The following XPO4 variants were observed in gnomAD, a reference collection of about 807,000 sequenced individuals.
The protein encoded by XPO4 is exportin-4.
In XPO4, 39 loss-of-function variants were observed where a neutral mutation model predicts 143.0. That is an observed-to-expected ratio of 0.27 (90% CI 0.21 to 0.36). The LOEUF (loss-of-function observed/expected upper bound fraction) is 0.36, where lower values mean the gene tolerates loss of function less well. XPO4 is among the 10% of genes least tolerant of loss of function. The pLI is 1.00. For missense variants in XPO4, 907 were observed against 1,348.0 expected (o/e 0.67, Z 5.12); for synonymous variants, 439 against 474.0 (o/e 0.93, Z 0.96).
rs1030708110 is a variant in XPO4, at chr13:20,783,364, A to G, written c.*358T>C. 3.1e-5 allele frequency: 8 copies of G among 256,812 alleles called. No individual in the cohort carries two copies. The allele number at this position is 256,812 out of a possible 1,614,324, so 15.9% of individuals were successfully genotyped here. Reference sequence around the variant, plus strand: ...GCATATATCCATTTCATATTTAATGACAAAAATTCTAAACTTTGGCTAGCC... The same window carrying G: ...GCATATATCCATTTCATATTTAATGGCAAAAATTCTAAACTTTGGCTAGCC... On this transcript the variant is annotated 3_prime_UTR_variant, in exon 23 of 23. Transcript: ENST00000255305.
At chr13:20,817,516 A>T (rs1566580881) in intron 9 of XPO4, among the ~76,000 whole-genome samples, 3 of 152,174 alleles carry the variant, frequency 2.0e-5, no homozygotes, top group Non-Finnish European at 4.4e-5. Flanking sequence ...ATAAATTGTT[A>T]TTTACCACGA....
chr13:20,823,971 C>A (rs1413835838), intron 7 of XPO4, among the ~76,000 whole-genome samples: 3 of 152,082 alleles, frequency 2.0e-5, no homozygotes, highest in Non-Finnish European at 4.4e-5. Flanking sequence ...ATTTTAATGA[C>A]CATCAATAAG....
At chr13:20,843,997 A>G in intron 4 of XPO4, 111 bp from the exon 5 acceptor site, 1 of 779,886 alleles carries the variant, frequency 1.3e-6, no homozygotes, top group Non-Finnish European at 2.2e-6. Context: ...TAGATCTTCC[A>G]CTGTATCTTT....
intron 13 of XPO4, among the ~76,000 whole-genome samples, chr13:20,804,961 T>C (rs1013289748): frequency 2.6e-5 from 4 of 151,892 alleles, no homozygotes; most frequent in African/African-American, 4.8e-5. Context: ...GTTTTTTTTT[T>C]TGAGACAGGG....
intron 18 of XPO4, among the ~76,000 whole-genome samples, chr13:20,794,225 A>C (rs1439227453): frequency 1.3e-5 from 2 of 152,244 alleles, no homozygotes; most frequent in Non-Finnish European, 2.9e-5. Flanking sequence ...TCTGAAAATA[A>C]GACAAATCTG....
chr13:20,791,351 T>A (rs2059277862), intron 18 of XPO4, among the ~76,000 whole-genome samples: 1 of 152,138 alleles, frequency 6.6e-6, no homozygotes, highest in South Asian at 2.1e-4. Context: ...AGCAATATAT[T>A]AAGACCATTT....
chr13:20,843,846 T>G lies in XPO4; in HGVS notation c.497A>C (p.Glu166Ala). 6.2e-7 allele frequency: 1 copy of G among 1,613,438 alleles called. No individual in the cohort carries two copies. Among genetic ancestry groups the G allele is most frequent in the Non-Finnish European group, 8.5e-7 (1 of 1,179,808 alleles). The change falls in exon 5 of 23, where the codon GAA (glutamate) becomes GCA (alanine). Residue 166 changes from glutamate (E) to alanine (A), a missense_variant. Physicochemically the swap from Glu to Ala is moderately radical, Grantham distance 107 (BLOSUM62 -1). Coordinates refer to ENST00000255305, the MANE Select transcript of XPO4 (RefSeq NM_022459.5). ...GCTAGTTTTACTTGAACTTGAAAAT[T>G]CACTCAATAGCGCAGTCAGAATAGA... ...ACSILTALLS[E>A]FSSSSKTSNI...
intron 18 of XPO4, among the ~76,000 whole-genome samples, chr13:20,794,410 A>C (rs532679804): frequency 1.3e-5 from 2 of 152,352 alleles, no homozygotes; most frequent in Admixed American, 1.3e-4. Flanking sequence ...CAGAGTAATC[A>C]TGACAGTAAA....
At chr13:20,841,039 C>T (rs1268048820) in intron 6 of XPO4, among the ~76,000 whole-genome samples, 1 of 152,136 alleles carries the variant, frequency 6.6e-6, no homozygotes, top group Non-Finnish European at 1.5e-5. Context: ...TTTCCAAACT[C>T]CCAGAGAACT....
chr13:20,815,544 C>T (rs948339936), intron 9 of XPO4, among the ~76,000 whole-genome samples: 15 of 152,114 alleles, frequency 9.9e-5, no homozygotes, highest in Admixed American at 9.2e-4. Flanking sequence ...AGCTAAATCT[C>T]ATGCTAAGGT....
At position 20,822,165 on chromosome 13, in the gene XPO4, T is replaced by G. The variant is rs1462316992; in HGVS notation, c.965A>C (p.His322Pro). The change falls in exon 8 of 23, where the codon CAC becomes CCC. Residue 322 changes from histidine (H) to proline (P), a missense_variant. Physicochemically the swap from His to Pro is moderately conservative, Grantham distance 77. Coordinates refer to ENST00000255305, the MANE Select transcript of XPO4 (RefSeq NM_022459.5). ...DEGSQVDYLA[H>P]FIEGLLNTIN... Reference sequence around the variant, plus strand: ...AGTATTCAGTAATCCCTCAATGAAGTGTGCTAGATAATCAACTTGTGATCC... The same window carrying G: ...AGTATTCAGTAATCCCTCAATGAAGGGTGCTAGATAATCAACTTGTGATCC... 1 of 1,613,176 alleles carries G rather than the reference T, an allele frequency of 6.2e-7. No individual in the cohort carries two copies. Among genetic ancestry groups the G allele is most frequent in the Admixed American group, 1.7e-5 (1 of 59,936 alleles).
At chr13:20,822,051 T>C in intron 8 of XPO4, 81 bp downstream of exon 8, 1 of 1,476,528 alleles carries the variant, frequency 6.8e-7, no homozygotes, top group Non-Finnish European at 9.0e-7. Flanking sequence ...GGGGAAAAAA[T>C]AACTAGTTTC....
intron 1 of XPO4, among the ~76,000 whole-genome samples, chr13:20,896,178 G>A (rs1472652518): frequency 1.3e-5 from 2 of 152,080 alleles, no homozygotes; most frequent in African/African-American, 4.8e-5. Context: ...TTTAGCTTCT[G>A]AATACATTGT....
At chr13:20,847,571 G>A (rs536393817) in intron 4 of XPO4, among the ~76,000 whole-genome samples, 1 of 152,156 alleles carries the variant, frequency 6.6e-6, no homozygotes, top group Non-Finnish European at 1.5e-5. Flanking sequence ...GTCTCAATGG[G>A]CATTCCGAGT....
At chr13:20,870,309 T>C (rs1216050755) in intron 1 of XPO4, among the ~76,000 whole-genome samples, 5 of 150,546 alleles carry the variant, frequency 3.3e-5, no homozygotes, top group African/African-American at 9.8e-5. Context: ...TGCACACCTG[T>C]AAATCCCAGC....
At chr13:20,895,362 T>G (rs2060558003) in intron 1 of XPO4, among the ~76,000 whole-genome samples, 1 of 152,186 alleles carries the variant, frequency 6.6e-6, no homozygotes. Flanking sequence ...CCAGGCACAG[T>G]GGCTCACAGC....
intron 1 of XPO4, among the ~76,000 whole-genome samples, chr13:20,877,732 A>C (rs2060366779): frequency 6.6e-6 from 1 of 152,184 alleles, no homozygotes; most frequent in Non-Finnish European, 1.5e-5. Flanking sequence ...ACCTAATCCA[A>C]ACAAATATGC....
At chr13:20,863,655 C>A (rs1450836029) in intron 2 of XPO4, among the ~76,000 whole-genome samples, 1 of 152,130 alleles carries the variant, frequency 6.6e-6, no homozygotes, top group Non-Finnish European at 1.5e-5. Flanking sequence ...GCATTATCAA[C>A]AGGGAGAAAC....
Position 20,804,715 on chromosome 13 carries a change from A to AT in XPO4, c.1817+2741dup, listed in dbSNP as rs147067884. Among the ~76,000 whole-genome samples the AT allele has an allele frequency of 9.6e-3, 1,462 of 152,302 alleles. 25 individuals carry two copies. The highest frequency in any genetic ancestry group is 0.034 in the African/African-American group (1,409 of 41,564). On this transcript the variant is annotated intron_variant, in intron 13 of 22. Transcript: ENST00000255305. ...TCCTACTTCAATTCCTTAAAGCACTATATCTACAAATATATTTCAAACAGC... is the reference window on the plus strand; with the variant it reads ...TCCTACTTCAATTCCTTAAAGCACTATTATCTACAAATATATTTCAAACAGC...
Sources: allele counts gnomAD v4.1 joint callset (sites outside exome capture counted in the v4.1 genomes callset), GRCh38; gene constraint gnomAD v4.1.1; transcripts MANE v1.5; gene names NCBI Gene and HGNC (gene_info 2026-07-23, HGNC 2026-07-21).